SIRPG: variants seen among roughly 807,000 people sequenced by gnomAD.
SIRPG encodes the protein signal regulatory protein gamma.
A neutral mutation model predicts 35.7 loss-of-function variants in SIRPG; 38 were observed. The observed-to-expected ratio is 1.06, with a 90% CI of 0.82 to 1.40. The LOEUF (loss-of-function observed/expected upper bound fraction) is 1.40. SIRPG is among the 40% of genes most tolerant of loss of function. The probability of loss-of-function intolerance (pLI) is 0.00; values close to 1 mark genes in which losing one functional copy is unlikely to be tolerated. For missense variants in SIRPG, 519 were observed against 483.0 expected, an observed-to-expected ratio of 1.07 and a Z score of -0.70; for synonymous variants, 215 against 190.4, an observed-to-expected ratio of 1.13 and a Z score of -1.06.
intron 1 of SIRPG, among the ~76,000 whole-genome samples, chr20:1,650,223 A>G (rs2091932394): frequency 6.6e-6 from 1 of 151,834 alleles, no homozygotes; most frequent in Non-Finnish European, 1.5e-5. Context: ...TCCTTCTCAA[A>G]GAATTAATCT....
rs575352199 is a variant in SIRPG, at chr20:1,649,181, C to T, written c.301G>A (p.Asp101Asn). ...ATGCTACTGATGCGGATGGAAAAGT[C>T]CATGTTGTTTCTCTTTGTGAGGTCT... ...VSDLTKRNNM[D>N]FSIRISSITP... The change falls in exon 2 of 6, where the codon GAC (aspartate) becomes AAC (asparagine). Residue 101 changes from aspartate to asparagine, a missense_variant. Physicochemically the swap from Asp to Asn is conservative, Grantham distance 23. Coordinates refer to ENST00000303415, the MANE Select transcript of SIRPG (RefSeq NM_018556.4). 6.2e-7 allele frequency: 1 copy of T among 1,614,096 alleles called. No homozygotes were observed. The highest frequency in any genetic ancestry group is 1.3e-5 in the African/African-American group (1 of 75,004).
At chr20:1,658,477 A>C (rs2091986841), upstream of SIRPG, among the ~76,000 whole-genome samples, 1 of 152,110 alleles carries the variant, frequency 6.6e-6, no homozygotes, top group South Asian at 2.1e-4. Flanking sequence ...CCGTCGCATC[A>C]ATTTCAATAC....
In SIRPG at chr20:1,636,258, G is replaced by T. The variant is rs754758888; in HGVS notation, c.678C>A (p.Cys226Ter). The change falls in exon 3 of 6, where the codon TGC (cysteine) becomes TGA (stop). Residue 226 changes from cysteine (C) to a stop codon, truncating the protein, a stop_gained. Transcript: ENST00000303415. LOFTEE classifies it high-confidence loss of function. ...DPWDVRSQVICEVAHVTLQGD... is the reference protein window; with the variant it reads ...DPWDVRSQVI ...CCTGCAAGGTGACATGGGCCACCTC[G>T]CAGATGACCTGAGAGCGAACGTCCC... 17 of 1,614,180 alleles carry T rather than the reference G, an allele frequency of 1.1e-5. No individual in the cohort carries two copies. The highest frequency in any genetic ancestry group is 1.4e-5 in the Non-Finnish European group (17 of 1,180,022).
chr20:1,680,726 C>T, the SIRPG span, among the ~76,000 whole-genome samples: 1 of 152,092 alleles, frequency 6.6e-6, no homozygotes, highest in African/African-American at 2.4e-5. Context: ...CCATTTGATG[C>T]AGAAAAGCCT....
Position 1,636,335 on chromosome 20 carries a change from G to A in SIRPG, c.601C>T (p.Gln201Ter), listed in dbSNP as rs200354721. Reference protein sequence around the residue: ...DFQTNVDPTGQSVAYSIRSTA... With the variant: ...DFQTNVDPTG ...CTGCGGATGCTGTAGGCCACACTCT[G>A]TCCTGTGGGGTCCACGTTGGTCTGG... Residue 201 changes from glutamine to a stop codon, truncating the protein, a stop_gained, in exon 3 of 6, where the codon CAG becomes TAG. Transcript: ENST00000303415. LOFTEE classifies it high-confidence loss of function. The A allele has an allele frequency of 1.2e-6, 2 of 1,614,224 alleles. No individual in the cohort carries two copies. Among genetic ancestry groups the A allele is most frequent in the Admixed American group, 3.3e-5 (2 of 60,032 alleles).
chr20:1,683,323 T>C, the SIRPG span, among the ~76,000 whole-genome samples: 8 of 152,236 alleles, frequency 5.3e-5, no homozygotes, highest in Admixed American at 2.6e-4. Flanking sequence ...ACAGCCATTA[T>C]TGAAAACAGT....
At chr20:1,670,476 G>A in the SIRPG span, among the ~76,000 whole-genome samples, 1 of 152,178 alleles carries the variant, frequency 6.6e-6, no homozygotes, top group African/African-American at 2.4e-5. Flanking sequence ...AAGAATGAGT[G>A]AAATCTGCAA....
At chr20:1,679,814 T>C in the SIRPG span, among the ~76,000 whole-genome samples, 2 of 151,104 alleles carry the variant, frequency 1.3e-5, no homozygotes, top group African/African-American at 4.8e-5. Context: ...GGCTTGCTAA[T>C]TTGCTACTCT....
chr20:1,681,680 T>TAA, the SIRPG span, among the ~76,000 whole-genome samples: 493 of 151,450 alleles, frequency 3.3e-3, 3 homozygotes, highest in African/African-American at 0.012. Context: ...AAAATAAAAA[T>TAA]AAAAAAATAG....
At chr20:1,629,764 A>G (rs1429273859) in intron 5 of SIRPG, 128 bp from the exon 6 acceptor site, 2 of 169,632 alleles carry the variant, frequency 1.2e-5, no homozygotes, top group African/African-American at 4.8e-5. Context: ...GTCCTGATAG[A>G]ACTCTGCCTG....
At chr20:1,653,836 T>C (rs960221160) in intron 1 of SIRPG, among the ~76,000 whole-genome samples, 1 of 152,204 alleles carries the variant, frequency 6.6e-6, no homozygotes, top group Non-Finnish European at 1.5e-5. Context: ...TAAAATTCTG[T>C]GTGTGTTTCA....
At chr20:1,678,299 G>T in the SIRPG span, among the ~76,000 whole-genome samples, 25 of 152,178 alleles carry the variant, frequency 1.6e-4, no homozygotes, top group South Asian at 2.7e-3. Context: ...TCTTCAACAC[G>T]TTCAAAGAGC....
At chr20:1,656,631 C>T (rs368413212) in intron 1 of SIRPG, among the ~76,000 whole-genome samples, 1 of 152,084 alleles carries the variant, frequency 6.6e-6, no homozygotes, top group East Asian at 1.9e-4. Context: ...GACAGGCAGC[C>T]TGTCTGGGAG....
At chr20:1,641,807 GT>G (rs1838362177) in intron 2 of SIRPG, among the ~76,000 whole-genome samples, 1 of 152,118 alleles carries the variant, frequency 6.6e-6, no homozygotes, top group Non-Finnish European at 1.5e-5. Flanking sequence ...GTTCTTATTG[GT>G]TTCAAATAAC....
upstream of SIRPG, among the ~76,000 whole-genome samples, chr20:1,661,339 C>T (rs1268804715): frequency 6.6e-6 from 1 of 152,098 alleles, no homozygotes; most frequent in Non-Finnish European, 1.5e-5. Flanking sequence ...TCAATATGAC[C>T]CCAGTAAGGG....
intron 2 of SIRPG, among the ~76,000 whole-genome samples, chr20:1,643,456 G>A (rs2091871874): frequency 6.6e-6 from 1 of 151,988 alleles, no homozygotes; most frequent in Non-Finnish European, 1.5e-5. Flanking sequence ...GGTTTTTCTG[G>A]TTACCAGCTC....
chr20:1,684,401 C>CAT, the SIRPG span, among the ~76,000 whole-genome samples: 3 of 103,354 alleles, frequency 2.9e-5, no homozygotes, highest in Admixed American at 3.2e-4. Flanking sequence ...CTTATACACA[C>CAT]ATATATATAT....
At chr20:1,632,341 C>G (rs2091757582) in intron 4 of SIRPG, among the ~76,000 whole-genome samples, 1 of 152,168 alleles carries the variant, frequency 6.6e-6, no homozygotes, top group African/African-American at 2.4e-5. Context: ...AAACAGAACA[C>G]TCACCTAACC....
At chr20:1,632,791 T>C (rs2091761864) in intron 4 of SIRPG, among the ~76,000 whole-genome samples, 1 of 151,528 alleles carries the variant, frequency 6.6e-6, no homozygotes, top group Non-Finnish European at 1.5e-5. Context: ...AGGAATGACA[T>C]AGAAAAGAGC....
Sources: allele counts gnomAD v4.1 joint callset (sites outside exome capture counted in the v4.1 genomes callset), GRCh38; gene constraint gnomAD v4.1.1; transcripts MANE v1.5; gene names NCBI Gene and HGNC (gene_info 2026-07-23, HGNC 2026-07-21).